Variants in NUTM2F observed in about 807,000 individuals in gnomAD.
The protein encoded by NUTM2F is family with sequence similarity 22, member F.
In NUTM2F, 22 loss-of-function variants were observed where a neutral mutation model predicts 43.3. The observed-to-expected ratio is 0.51, with a 90% CI of 0.36 to 0.73. The LOEUF (loss-of-function observed/expected upper bound fraction) is 0.73. Ranked by LOEUF, NUTM2F falls within the 30% of genes least tolerant of loss-of-function variation. The probability of loss-of-function intolerance (pLI) is 0.00; values close to 1 mark genes in which losing one functional copy is unlikely to be tolerated. For synonymous variants in NUTM2F, 202 were observed against 389.0 expected (o/e 0.52, Z 5.66); for missense variants, 488 against 927.4 (o/e 0.53, Z 6.15).
chr9:94,319,526 G>C, intron 6 of NUTM2F, 87 bp downstream of exon 6: 1 of 1,544,512 alleles, frequency 6.5e-7, no homozygotes, highest in Non-Finnish European at 8.9e-7. Flanking sequence ...TCCCCAGCAG[G>C]GTGGGCTTAG....
chr9:94,328,599 C>T lies in NUTM2F; in HGVS notation c.16+9G>A, dbSNP rs1831478885. Reference sequence around the variant, plus strand: ...AGACTCGGATAATGCCCCATCCCTACAGGCTCACCTCCATTTGAAGCCATC... The same window carrying T: ...AGACTCGGATAATGCCCCATCCCTATAGGCTCACCTCCATTTGAAGCCATC... On this transcript the variant is annotated intron_variant, in intron 1 of 6. Coordinates refer to ENST00000253262, the MANE Select transcript of NUTM2F (RefSeq NM_017561.2). 2 of 1,613,850 alleles carry T rather than the reference C, an allele frequency of 1.2e-6. No individual in the cohort carries two copies. The highest frequency in any genetic ancestry group is 1.3e-5 in the African/African-American group (1 of 75,000).
intron 2 of NUTM2F, among the ~76,000 whole-genome samples, 199 bp from the exon 3 acceptor site, chr9:94,322,528 C>G (rs985325384): frequency 6.6e-6 from 1 of 152,202 alleles, no homozygotes; most frequent in Non-Finnish European, 1.5e-5. Context: ...GTGGCCTCTC[C>G]GACTGCCTCT....
chr9:94,323,958 C>G (rs143213915), intron 2 of NUTM2F, among the ~76,000 whole-genome samples: 3,284 of 152,238 alleles, frequency 0.022, 104 homozygotes, highest in African/African-American at 0.071. Context: ...AGGGAAGGCA[C>G]TGGGGTGTAC....
At chr9:94,321,628 G>A (rs926194885) in intron 3 of NUTM2F, among the ~76,000 whole-genome samples, 1 of 145,456 alleles carries the variant, frequency 6.9e-6, no homozygotes, top group Non-Finnish European at 1.5e-5. Context: ...CACGAGGCCC[G>A]GGAGACCCCT....
At chr9:94,324,080 C>T (rs150150133) in intron 2 of NUTM2F, among the ~76,000 whole-genome samples, 29 of 151,390 alleles carry the variant, frequency 1.9e-4, no homozygotes, top group East Asian at 7.9e-4. Flanking sequence ...CCAGCCTGCT[C>T]AACATAGTGA....
At chr9:94,324,911 C>T (rs1435753867) in intron 2 of NUTM2F, among the ~76,000 whole-genome samples, 2 of 145,286 alleles carry the variant, frequency 1.4e-5, no homozygotes, top group Non-Finnish European at 1.5e-5. Context: ...CACTTGAACC[C>T]GGGAGGCGGA....
chr9:94,325,974 C>G (rs761820673), intron 1 of NUTM2F, 40 bp from the exon 2 acceptor site: 1 of 1,607,832 alleles, frequency 6.2e-7, no homozygotes, highest in African/African-American at 1.3e-5. Context: ...GCTGGCGTCT[C>G]CAGGTCCACA....
chr9:94,323,670 C>T (rs570087754), intron 2 of NUTM2F, among the ~76,000 whole-genome samples: 2 of 152,264 alleles, frequency 1.3e-5, no homozygotes, highest in African/African-American at 4.8e-5. Flanking sequence ...CACTGTGCTA[C>T]GTATGTCATA....
In NUTM2F at chr9:94,325,773, G is replaced by A. The variant is rs1167874441; in HGVS notation, c.178C>T (p.Pro60Ser). 3.1e-6 allele frequency: 5 copies of A among 1,612,024 alleles called. No homozygotes were observed. Among genetic ancestry groups the A allele is most frequent in the Non-Finnish European group, 4.2e-6 (5 of 1,179,870 alleles). The change falls in exon 2 of 7, where the codon CCC (proline) becomes TCC (serine). Residue 60 changes from proline (P) to serine (S), a missense_variant. Pro to Ser is a moderately conservative substitution (Grantham distance 74). Transcript: ENST00000253262. ...PAGPLVLSAF[P>S]STPLVAGQDG... ...TGTCCTGCCACTAGAGGGGTGCTGG[G>A]GAAGGCAGAGAGCACCAGAGGGCCG... is the stretch of plus-strand genomic sequence containing the variant.
Position 94,325,994 on chromosome 9 carries a change from G to A in NUTM2F, c.17-60C>T. 7 of 1,590,582 alleles carry A rather than the reference G, an allele frequency of 4.4e-6. No homozygotes were observed. In the South Asian group the frequency reaches 6.8e-5, roughly 15 times the overall value. On this transcript the variant is annotated intron_variant, in intron 1 of 6. Transcript: ENST00000253262. ...CGTCTCCAGGTCCACACTAGTCACT[G>A]GGGAATCAGGGGAGTCCCAACAGCT...
At position 94,320,656 on chromosome 9, in the gene NUTM2F, G is replaced by A. The variant is rs1191017301; in HGVS notation, c.983-63C>T. ...CCGCTCCTCCTGCCTGCACCACACAGGGGAGGGCAGGGCTTGGGGATGTGA... is the reference window on the plus strand; with the variant it reads ...CCGCTCCTCCTGCCTGCACCACACAAGGGAGGGCAGGGCTTGGGGATGTGA... On this transcript the variant is annotated intron_variant, in intron 4 of 6. Transcript: ENST00000253262. This position sits in a 1 kb window ranked among gnomAD's most constrained non-coding sequence, Gnocchi z 4.5. 2.5e-5 allele frequency: 36 copies of A among 1,469,222 alleles called. No homozygotes were observed. The Middle Eastern group carries it at 7.2e-4, about 30-fold the overall frequency. The allele number at this position is 1,469,222 out of a possible 1,614,324, so 91.0% of individuals were successfully genotyped here.
intron 2 of NUTM2F, among the ~76,000 whole-genome samples, chr9:94,324,520 G>C (rs542605167): frequency 6.6e-6 from 1 of 151,220 alleles, no homozygotes. Flanking sequence ...AAAATTAGCC[G>C]GGCATGGTGG....
chr9:94,325,990 C>T, intron 1 of NUTM2F, 56 bp from the exon 2 acceptor site: 7 of 1,601,298 alleles, frequency 4.4e-6, no homozygotes, highest in Non-Finnish European at 6.0e-6. Flanking sequence ...CCACACTAGT[C>T]ACTGGGGAAT....
At chr9:94,325,987 A>G (rs905225480) in intron 1 of NUTM2F, 53 bp from the exon 2 acceptor site, 5 of 1,603,750 alleles carry the variant, frequency 3.1e-6, no homozygotes, top group Non-Finnish European at 4.3e-6. Flanking sequence ...GGTCCACACT[A>G]GTCACTGGGG....
intron 2 of NUTM2F, among the ~76,000 whole-genome samples, chr9:94,323,670 C>A (rs570087754): frequency 6.6e-5 from 10 of 152,264 alleles, no homozygotes; most frequent in African/African-American, 1.9e-4. Flanking sequence ...CACTGTGCTA[C>A]GTATGTCATA....
Position 94,328,480 on chromosome 9 carries a change from T to G in NUTM2F, c.16+128A>C, listed in dbSNP as rs937630336. ...TGGCCATCCCCAGGTGTGATGTCCC[T>G]GGGGACATCCAGTGCTCCCTCCCTC... On this transcript the variant is annotated intron_variant, in intron 1 of 6. Coordinates refer to ENST00000253262, the MANE Select transcript of NUTM2F (RefSeq NM_017561.2). The G allele has an allele frequency of 4.0e-6, 6 of 1,496,682 alleles. No individual in the cohort carries two copies. The African/African-American group carries it at 8.3e-5, about 21-fold the overall frequency. The allele number at this position is 1,496,682 out of a possible 1,614,324, so 92.7% of individuals were successfully genotyped here.
chr9:94,324,531 T>C lies in NUTM2F; in HGVS notation c.713+707A>G, dbSNP rs757751123. On this transcript the variant is annotated intron_variant, in intron 2 of 6. Coordinates refer to ENST00000253262, the MANE Select transcript of NUTM2F (RefSeq NM_017561.2). ...CAAAAAAATTAGCCGGGCATGGTGGTGGGCACCTGTAGTCCCAGCTACTCG... is the reference window on the plus strand; with the variant it reads ...CAAAAAAATTAGCCGGGCATGGTGGCGGGCACCTGTAGTCCCAGCTACTCG... Among the ~76,000 whole-genome samples, 1,063 of 148,598 alleles carry C rather than the reference T, an allele frequency of 7.2e-3. 13 individuals carry two copies. The highest frequency in any genetic ancestry group is 0.022 in the African/African-American group (877 of 40,236).
chr9:94,321,772 A>G (rs1167246105), intron 3 of NUTM2F, among the ~76,000 whole-genome samples: 3 of 148,814 alleles, frequency 2.0e-5, no homozygotes, highest in South Asian at 2.2e-4. Flanking sequence ...ATGGTGTCCC[A>G]GGTACAGGTC....
At chr9:94,322,587 G>A (rs1290075869) in intron 2 of NUTM2F, among the ~76,000 whole-genome samples, 5 of 152,222 alleles carry the variant, frequency 3.3e-5, no homozygotes, top group African/African-American at 9.7e-5. Context: ...TGCTATGGGT[G>A]GAACATGTGT....
Sources: allele counts gnomAD v4.1 joint callset (sites outside exome capture counted in the v4.1 genomes callset), GRCh38; gene constraint gnomAD v4.1.1; non-coding constraint Gnocchi (gnomAD v3.1); transcripts MANE v1.5; gene names NCBI Gene and HGNC (gene_info 2026-07-23, HGNC 2026-07-21).